The following DGKI variants were observed in gnomAD, a reference collection of about 807,000 sequenced individuals.
DGKI encodes the protein diacylglycerol kinase iota, also known as DAG kinase iota.
A neutral mutation model predicts 147.5 loss-of-function variants in DGKI; 55 were observed. The observed-to-expected ratio is 0.37, with a 90% CI of 0.30 to 0.47. The LOEUF is 0.47. Among genes scored for constraint, DGKI ranks in the 20% least tolerant of loss-of-function variants. The pLI is 1.00. For synonymous variants in DGKI, 469 were observed against 477.1 expected, an observed-to-expected ratio of 0.98 and a Z score of 0.22; for missense variants, 1,007 against 1,323.8, an observed-to-expected ratio of 0.76 and a Z score of 3.71.
Position 137,421,941 on chromosome 7 carries a change from C to A in DGKI, c.2762-9734G>T, listed in dbSNP as rs569002538. On this transcript the variant is annotated intron_variant, in intron 28 of 32. Coordinates refer to ENST00000614521, the MANE Select transcript of DGKI (RefSeq NM_001321708.2). The stretch of plus-strand genomic sequence containing the variant: ...GCTCACCTTACTGGCCCCTGCTACA[C>A]CTTGCAATCAATTTTGGAGACACAG... Among the ~76,000 whole-genome samples the A allele has an allele frequency of 4.0e-4, 61 of 152,284 alleles. No homozygotes were observed. The South Asian group carries it at 0.012, about 30-fold the overall frequency.
chr7:137,406,603 T>C (rs535704354), intron 30 of DGKI, among the ~76,000 whole-genome samples: 120 of 152,280 alleles, frequency 7.9e-4, no homozygotes, highest in Non-Finnish European at 1.5e-3. Context: ...ACGTGATTGA[T>C]AGTTTAGTAC....
intron 2 of DGKI, among the ~76,000 whole-genome samples, chr7:137,680,117 C>A (rs918094876): frequency 2.6e-5 from 4 of 151,906 alleles, no homozygotes; most frequent in Admixed American, 2.0e-4. Flanking sequence ...GGATTAGTGT[C>A]CTTATAGAAG....
chr7:137,612,035 G>A (rs928282986), intron 8 of DGKI, among the ~76,000 whole-genome samples: 11 of 152,216 alleles, frequency 7.2e-5, no homozygotes, highest in East Asian at 3.9e-4. Context: ...CAGATCTAAC[G>A]CATCAGGCTA....
chr7:137,820,814 T>A (rs1359765009), intron 1 of DGKI, among the ~76,000 whole-genome samples: 3 of 152,108 alleles, frequency 2.0e-5, no homozygotes, highest in Non-Finnish European at 4.4e-5. Flanking sequence ...TGGGGCTGTG[T>A]GAGACCAGAC....
intron 21 of DGKI, among the ~76,000 whole-genome samples, chr7:137,506,503 T>C (rs1395406349): frequency 1.3e-5 from 2 of 152,196 alleles, no homozygotes; most frequent in East Asian, 1.9e-4. Context: ...TGAAATATTC[T>C]GTACAATACA....
chr7:137,787,683 C>T (rs1289440424), intron 1 of DGKI, among the ~76,000 whole-genome samples: 1 of 152,088 alleles, frequency 6.6e-6, no homozygotes, highest in African/African-American at 2.4e-5. Context: ...GCACAACTTG[C>T]AATAGCAAAA....
At chr7:137,392,056 C>A (rs978876626) in intron 32 of DGKI, among the ~76,000 whole-genome samples, 25 of 152,212 alleles carry the variant, frequency 1.6e-4, no homozygotes, top group African/African-American at 6.0e-4. Context: ...TGCCTCTATA[C>A]GTATTTTTAT....
chr7:137,638,606 A>G (rs1406518898), intron 6 of DGKI, among the ~76,000 whole-genome samples: 30 of 3,062 alleles, frequency 9.8e-3, no homozygotes, highest in African/African-American at 0.046. Context: ...ATATATGTAT[A>G]TATATACACA....
chr7:137,746,754 T>G (rs1352183059), intron 1 of DGKI, among the ~76,000 whole-genome samples: 1 of 151,504 alleles, frequency 6.6e-6, no homozygotes, highest in East Asian at 1.9e-4. Flanking sequence ...CCACCTGGTA[T>G]CAGGTGTAAG....
chr7:137,770,635 G>A (rs1236696113), intron 1 of DGKI, among the ~76,000 whole-genome samples: 1 of 51,852 alleles, frequency 1.9e-5, no homozygotes, highest in Non-Finnish European at 3.2e-5. Context: ...CCGGGTTCAC[G>A]CCATTCTCCT....
At chr7:137,720,867 AC>A (rs1794533622) in intron 1 of DGKI, among the ~76,000 whole-genome samples, 2 of 152,176 alleles carry the variant, frequency 1.3e-5, no homozygotes, top group Non-Finnish European at 1.5e-5. Context: ...ATGAGACAAG[AC>A]AAAAAAGCTT....
chr7:137,394,009 T>C (rs1374716686), intron 32 of DGKI, among the ~76,000 whole-genome samples: 2 of 152,214 alleles, frequency 1.3e-5, no homozygotes, highest in Non-Finnish European at 2.9e-5. Flanking sequence ...GTGTCATGGT[T>C]ACAACCATTG....
At chr7:137,691,491 A>G (rs1457940856) in intron 1 of DGKI, among the ~76,000 whole-genome samples, 1 of 152,200 alleles carries the variant, frequency 6.6e-6, no homozygotes, top group Non-Finnish European at 1.5e-5. Flanking sequence ...AGTGATGGCC[A>G]GATCTGTGGT....
chr7:137,782,760 C>T (rs896049973), intron 1 of DGKI, among the ~76,000 whole-genome samples: 10 of 152,208 alleles, frequency 6.6e-5, no homozygotes, highest in African/African-American at 2.2e-4. Flanking sequence ...TCACTTCCAC[C>T]GGAGCAGGTG....
chr7:137,830,563 C>CCCAGTATG (rs1798189432), intron 1 of DGKI, among the ~76,000 whole-genome samples: 1 of 152,146 alleles, frequency 6.6e-6, no homozygotes, highest in Non-Finnish European at 1.5e-5. Context: ...CCATGGATAA[C>CCCAGTATG]CCAGTATGCT....
At chr7:137,708,112 C>T (rs191666130) in intron 1 of DGKI, among the ~76,000 whole-genome samples, 4 of 152,306 alleles carry the variant, frequency 2.6e-5, no homozygotes, top group Non-Finnish European at 5.9e-5. Context: ...GGCAGTACCC[C>T]ACTAAGATGT....
intron 25 of DGKI, 135 bp downstream of exon 25, chr7:137,466,767 G>C (rs1814677338): frequency 2.4e-6 from 2 of 846,092 alleles, no homozygotes; most frequent in Non-Finnish European, 4.0e-6. Flanking sequence ...AAAGGTTCAA[G>C]CTTAAGTTAT....
rs377294201 is a variant in DGKI at position 137,513,760 on chromosome 7, G to C, written c.2248+8106C>G. The C allele has an allele frequency of 3.0e-4, 154 of 508,716 alleles. 2 individuals carry two copies. Among genetic ancestry groups the C allele is most frequent in the South Asian group, 2.2e-3 (130 of 58,730 alleles). 31.5% of individuals were successfully genotyped at this position (508,716 alleles called of 1,614,324 possible). ...GGCAATTGTAACACAATGGCATTTG[G>C]GTATCTAAAATACCTAAACATAGAA... On this transcript the variant is annotated intron_variant, in intron 21 of 32. Transcript: ENST00000614521.
chr7:137,655,354 A>G (rs1157705839), intron 4 of DGKI, among the ~76,000 whole-genome samples: 2 of 152,052 alleles, frequency 1.3e-5, no homozygotes, highest in Non-Finnish European at 2.9e-5. Flanking sequence ...GCGTGCCACC[A>G]CATCTGGCTA....
Sources: allele counts gnomAD v4.1 joint callset (sites outside exome capture counted in the v4.1 genomes callset), GRCh38; gene constraint gnomAD v4.1.1; transcripts MANE v1.5; gene names NCBI Gene and HGNC (gene_info 2026-07-23, HGNC 2026-07-21).